CCSER1: variants seen among roughly 807,000 people sequenced by gnomAD.
The protein encoded by CCSER1 is serine-rich coiled-coil domain-containing protein 1.
CCSER1 carries 41 observed loss-of-function variants against 82.0 expected under a neutral mutation model. The observed-to-expected ratio is 0.50, with a 90% confidence interval of 0.39 to 0.65. The LOEUF (loss-of-function observed/expected upper bound fraction) is 0.65, where lower values mean the gene tolerates loss of function less well. Among genes scored for constraint, CCSER1 ranks in the 30% least tolerant of loss-of-function variants. The probability of loss-of-function intolerance (pLI) is 0.00; values close to 1 mark genes in which losing one functional copy is unlikely to be tolerated. For synonymous variants in CCSER1, 414 were observed against 383.9 expected (o/e 1.08, Z -0.92); for missense variants, 1,119 against 1,064.2 (o/e 1.05, Z -0.72).
intron 8 of CCSER1, among the ~76,000 whole-genome samples, chr4:90,822,596 C>T (rs1414657646): frequency 2.0e-5 from 3 of 151,762 alleles, no homozygotes; most frequent in African/African-American, 7.3e-5. Context: ...GGCGTGGTGG[C>T]GGGCACCTGT....
In CCSER1 at chr4:90,665,360, C is replaced by T. The variant is rs540994576; in HGVS notation, c.1932+37128C>T. On this transcript the variant is annotated intron_variant, in intron 6 of 10. Transcript: ENST00000509176. ...TTTTTTTGAGACGGAGTCTTGCTGTCGCCCAGGCTGGAGTGCAGTGGCGTG... is the reference window on the plus strand; with the variant it reads ...TTTTTTTGAGACGGAGTCTTGCTGTTGCCCAGGCTGGAGTGCAGTGGCGTG... 6.0e-5 allele frequency among the ~76,000 whole-genome samples: 9 copies of T among 149,108 alleles called. No homozygotes were observed. The South Asian group carries it at 1.1e-3, about 17-fold the overall frequency.
intron 1 of CCSER1, among the ~76,000 whole-genome samples, chr4:90,215,974 C>T (rs376530653): frequency 2.4e-4 from 36 of 152,108 alleles, no homozygotes; most frequent in African/African-American, 7.5e-4. Context: ...TCTGTATGTA[C>T]GTGGATAATA....
chr4:91,175,131 G>T (rs1439567485), intron 10 of CCSER1, among the ~76,000 whole-genome samples: 1 of 152,042 alleles, frequency 6.6e-6, no homozygotes, highest in Non-Finnish European at 1.5e-5. Context: ...CTTCATCCAT[G>T]TCCCTATAAA....
intron 10 of CCSER1, among the ~76,000 whole-genome samples, chr4:91,530,191 GC>G (rs1423897634): frequency 3.3e-5 from 5 of 152,028 alleles, no homozygotes; most frequent in Non-Finnish European, 7.4e-5. Context: ...AGAGGCATGT[GC>G]TTTTATTAAA....
At chr4:90,179,420 T>TC (rs1733316110) in intron 1 of CCSER1, among the ~76,000 whole-genome samples, 1 of 152,226 alleles carries the variant, frequency 6.6e-6, no homozygotes, top group Admixed American at 6.5e-5. Context: ...AGACAGGGTC[T>TC]CACTCTCTGT....
chr4:90,848,529 T>G (rs1013361076), intron 8 of CCSER1, among the ~76,000 whole-genome samples: 1 of 152,218 alleles, frequency 6.6e-6, no homozygotes, highest in Non-Finnish European at 1.5e-5. Context: ...TTTTCTCCCC[T>G]ATTAGTCATC....
At chr4:91,048,539 T>C (rs2148703383) in intron 9 of CCSER1, among the ~76,000 whole-genome samples, 1 of 152,208 alleles carries the variant, frequency 6.6e-6, no homozygotes, top group East Asian at 1.9e-4. Context: ...TATCTGATGG[T>C]AGAGAATCTA....
intron 10 of CCSER1, among the ~76,000 whole-genome samples, chr4:91,344,914 TAGAC>T (rs1287982163): frequency 1.1e-4 from 16 of 152,202 alleles, no homozygotes; most frequent in Admixed American, 7.2e-4. Flanking sequence ...AGTATATCAT[TAGAC>T]AGACTTCATA....
At chr4:90,720,781 A>G (rs1395287205) in intron 6 of CCSER1, among the ~76,000 whole-genome samples, 2 of 152,024 alleles carry the variant, frequency 1.3e-5, no homozygotes, top group Admixed American at 6.6e-5. Context: ...AAATGAGTAC[A>G]TGTTTGTATT....
intron 9 of CCSER1, among the ~76,000 whole-genome samples, chr4:91,026,699 G>A (rs1190239992): frequency 6.6e-6 from 1 of 151,960 alleles, no homozygotes; most frequent in Non-Finnish European, 1.5e-5. Flanking sequence ...AACTTCATTA[G>A]GTACCATTTT....
chr4:90,244,175 T>C (rs1189099374), intron 1 of CCSER1, among the ~76,000 whole-genome samples: 2 of 152,194 alleles, frequency 1.3e-5, no homozygotes, highest in Admixed American at 1.3e-4. Flanking sequence ...TAACAGATAT[T>C]GTAGGTTAAA....
intron 10 of CCSER1, among the ~76,000 whole-genome samples, chr4:91,571,102 C>T (rs1763154035): frequency 6.6e-6 from 1 of 152,176 alleles, no homozygotes; most frequent in Admixed American, 6.5e-5. Flanking sequence ...CCATCTGAGA[C>T]CACCTCAGCC....
In CCSER1 at chr4:91,377,038, C is replaced by T. The variant is rs368189707; in HGVS notation, c.2218-221534C>T. On this transcript the variant is annotated intron_variant, in intron 10 of 10. Transcript: ENST00000509176. ...CCTTGCGATAGTTTGCTGAGAATGACGGTTTCCAGCTTCATCCATGTCCCT... is the reference window on the plus strand; with the variant it reads ...CCTTGCGATAGTTTGCTGAGAATGATGGTTTCCAGCTTCATCCATGTCCCT... Among the ~76,000 whole-genome samples the T allele has an allele frequency of 9.2e-5, 14 of 151,942 alleles. No homozygotes were observed. The East Asian group carries it at 1.4e-3, about 15-fold the overall frequency.
intron 9 of CCSER1, among the ~76,000 whole-genome samples, chr4:90,975,311 A>G (rs71611418): frequency 0.067 from 10,110 of 151,336 alleles, 501 homozygotes; most frequent in East Asian, 0.2. Flanking sequence ...CAATTCTGCA[A>G]ATATACTAAG....
intron 1 of CCSER1, among the ~76,000 whole-genome samples, chr4:90,128,604 T>G (rs946147872): frequency 6.6e-6 from 1 of 152,054 alleles, no homozygotes. Flanking sequence ...TGTGGCCCCC[T>G]GGCCCCTTCG....
intron 4 of CCSER1, among the ~76,000 whole-genome samples, chr4:90,436,714 G>A (rs1439767646): frequency 6.6e-6 from 1 of 151,890 alleles, no homozygotes; most frequent in East Asian, 1.9e-4. Context: ...TGATGTAAGA[G>A]TATATGACAT....
chr4:91,571,380 A>G (rs531801780), intron 10 of CCSER1, among the ~76,000 whole-genome samples: 1 of 152,160 alleles, frequency 6.6e-6, no homozygotes, highest in South Asian at 2.1e-4. Flanking sequence ...TTACTCTATT[A>G]GATTGTTCTC....
At chr4:91,093,000 A>G (rs1724123975) in intron 10 of CCSER1, among the ~76,000 whole-genome samples, 1 of 152,138 alleles carries the variant, frequency 6.6e-6, no homozygotes, top group Non-Finnish European at 1.5e-5. Flanking sequence ...CTTTCCCCCG[A>G]ATTTAATAGG....
chr4:90,199,317 T>A (rs984406798), intron 1 of CCSER1, among the ~76,000 whole-genome samples: 2 of 152,202 alleles, frequency 1.3e-5, no homozygotes, highest in African/African-American at 4.8e-5. Context: ...CAGGCTATAA[T>A]GGGCCTCTAC....
Sources: gnomAD v4.1 joint callset for allele counts (sites outside exome capture counted in the v4.1 genomes callset) on GRCh38, gnomAD v4.1.1 for gene constraint, MANE v1.5 for transcripts, NCBI Gene and HGNC (gene_info 2026-07-23, HGNC 2026-07-21) for gene names.